The following NTN4 variants were observed in gnomAD, a reference collection of about 807,000 sequenced individuals.
NTN4 encodes the protein netrin-4.
NTN4 carries 32 observed loss-of-function variants against 73.6 expected under a neutral mutation model. The ratio of observed to expected loss-of-function variants is 0.44; its 90% confidence interval spans 0.33 to 0.58. NTN4 has a LOEUF of 0.58. Ranked by LOEUF, NTN4 falls within the 20% of genes least tolerant of loss-of-function variation. The probability of loss-of-function intolerance (pLI) is 0.04; values close to 1 mark genes in which losing one functional copy is unlikely to be tolerated. For missense variants in NTN4, 654 were observed against 798.3 expected (o/e 0.82, Z 2.18); for synonymous variants, 258 against 287.5 (o/e 0.90, Z 1.04).
intron 3 of NTN4, among the ~76,000 whole-genome samples, chr12:95,733,639 A>G (rs1451566758): frequency 6.6e-6 from 1 of 152,204 alleles, no homozygotes; most frequent in Non-Finnish European, 1.5e-5. Context: ...TTTGGCTCCA[A>G]TACCAGGGTC....
Position 95,665,831 on chromosome 12 carries a change from T to G in NTN4, c.1729A>C (p.Thr577Pro). ...TCACCAGGATTGAGGATTGGACAAG[T>G]GCATCCTCTGTCCGTCCATGATTCT... ...YPESWTDRGC[T>P]CPILNPGLEY... Residue 577 changes from threonine to proline, a missense_variant, in exon 9 of 10, where the codon ACT (threonine) becomes CCT (proline). Physicochemically the swap from Thr to Pro is conservative, Grantham distance 38. Coordinates refer to ENST00000343702, the MANE Select transcript of NTN4 (RefSeq NM_021229.4). The G allele has an allele frequency of 1.9e-6, 3 of 1,613,812 alleles. No homozygotes were observed. The highest frequency in any genetic ancestry group is 2.5e-6 in the Non-Finnish European group (3 of 1,179,802).
intron 5 of NTN4, among the ~76,000 whole-genome samples, chr12:95,690,405 G>A (rs1204121886): frequency 6.6e-6 from 1 of 152,234 alleles, no homozygotes; most frequent in East Asian, 1.9e-4. Flanking sequence ...TCTTTATACC[G>A]GAGGAAAGTA....
intron 2 of NTN4, among the ~76,000 whole-genome samples, chr12:95,759,742 G>A (rs541494984): frequency 1.3e-5 from 2 of 152,206 alleles, no homozygotes; most frequent in East Asian, 1.9e-4. Context: ...GATTACAGGT[G>A]TGAGCCACTG....
chr12:95,708,256 TTTTATTTATTTATTTATTTA>T (rs200402415), intron 5 of NTN4, among the ~76,000 whole-genome samples: 1,821 of 142,408 alleles, frequency 0.013, 36 homozygotes, highest in African/African-American at 0.043. Context: ...TTTATTGTTA[TTTTATTTATTTATTTATTTA>T]TTTATTTATT....
chr12:95,769,887 G>GCTGGGATTATAAGCTTGCGCCAC (rs2079045236), intron 2 of NTN4, among the ~76,000 whole-genome samples: 2 of 151,468 alleles, frequency 1.3e-5, no homozygotes, highest in African/African-American at 4.9e-5. Context: ...CTCCCAAGTA[G>GCTGGGATTATAAGCTTGCGCCAC]CTGGGATTAT....
chr12:95,757,966 T>G (rs2078959092), intron 2 of NTN4, among the ~76,000 whole-genome samples: 1 of 152,154 alleles, frequency 6.6e-6, no homozygotes, highest in African/African-American at 2.4e-5. Context: ...ATTGAAGAAT[T>G]TTGGCAGTTT....
intron 4 of NTN4, among the ~76,000 whole-genome samples, chr12:95,712,825 A>T (rs190364556): frequency 0.028 from 3,327 of 119,084 alleles, 66 homozygotes; most frequent in Non-Finnish European, 0.039. Context: ...TTTAGTAGAG[A>T]TGGGATTTCA....
At chr12:95,699,568 A>T (rs1313675053) in intron 5 of NTN4, among the ~76,000 whole-genome samples, 1 of 152,070 alleles carries the variant, frequency 6.6e-6, no homozygotes, top group East Asian at 1.9e-4. Flanking sequence ...CAAGAGAGTC[A>T]TCCACCCAAA....
intron 2 of NTN4, among the ~76,000 whole-genome samples, chr12:95,777,190 C>T (rs1283303415): frequency 6.6e-6 from 1 of 152,158 alleles, no homozygotes; most frequent in African/African-American, 2.4e-5. Flanking sequence ...ACAACCAGTA[C>T]CAGCCACTGC....
At chr12:95,664,665 T>C (rs1176378211) in intron 9 of NTN4, among the ~76,000 whole-genome samples, 1 of 151,884 alleles carries the variant, frequency 6.6e-6, no homozygotes, top group East Asian at 1.9e-4. Flanking sequence ...CAGGCTGGAG[T>C]ACAGTGGTGC....
At chr12:95,704,382 T>TG (rs1008120442) in intron 5 of NTN4, among the ~76,000 whole-genome samples, 25 of 152,230 alleles carry the variant, frequency 1.6e-4, no homozygotes, top group African/African-American at 5.3e-4. Flanking sequence ...TGGGAAATAA[T>TG]GGGGGGAAAA....
At chr12:95,683,760 C>T (rs373626581) in intron 5 of NTN4, 49 bp from the exon 6 acceptor site, 69 of 1,461,860 alleles carry the variant, frequency 4.7e-5, no homozygotes, top group Non-Finnish European at 6.3e-5. Flanking sequence ...GTAGATCACC[C>T]GTGTGAACAT....
chr12:95,778,971 A>G (rs190337472), intron 2 of NTN4, among the ~76,000 whole-genome samples: 21 of 152,308 alleles, frequency 1.4e-4, no homozygotes, highest in East Asian at 1.2e-3. Flanking sequence ...TGATCAAGTG[A>G]GCTTCATCCC....
At chr12:95,660,037 G>A (rs1348965706) in intron 9 of NTN4, among the ~76,000 whole-genome samples, 1 of 151,876 alleles carries the variant, frequency 6.6e-6, no homozygotes, top group Non-Finnish European at 1.5e-5. Context: ...GATTTTGGAT[G>A]GAATCTCGCT....
chr12:95,766,758 G>A (rs12370272), intron 2 of NTN4, among the ~76,000 whole-genome samples: 18,054 of 152,160 alleles, frequency 0.12, 1,338 homozygotes, highest in Middle Eastern at 0.19. Context: ...AAGACAGAAG[G>A]GCTCTTCTCT....
intron 2 of NTN4, among the ~76,000 whole-genome samples, chr12:95,784,727 A>C (rs531834935): frequency 6.6e-6 from 1 of 152,138 alleles, no homozygotes; most frequent in Non-Finnish European, 1.5e-5. Context: ...AGATTGTGCC[A>C]CTGCACTCCA....
intron 3 of NTN4, among the ~76,000 whole-genome samples, chr12:95,714,233 T>C (rs2078589228): frequency 6.6e-6 from 1 of 152,190 alleles, no homozygotes; most frequent in Admixed American, 6.5e-5. Flanking sequence ...TGGAATCATC[T>C]GAACTATCTC....
chr12:95,729,866 C>G (rs2078725473), intron 3 of NTN4, among the ~76,000 whole-genome samples: 1 of 152,142 alleles, frequency 6.6e-6, no homozygotes, highest in South Asian at 2.1e-4. Flanking sequence ...AGTCAGATAT[C>G]TATCAGTAAC....
intron 9 of NTN4, among the ~76,000 whole-genome samples, chr12:95,660,661 AT>A (rs765877343): frequency 1.3e-5 from 2 of 152,334 alleles, no homozygotes; most frequent in East Asian, 3.9e-4. Flanking sequence ...TTTAGGAACG[AT>A]TTTTAAAAAT....
Sources: allele counts gnomAD v4.1 joint callset (sites outside exome capture counted in the v4.1 genomes callset), GRCh38; gene constraint gnomAD v4.1.1; transcripts MANE v1.5; gene names NCBI Gene and HGNC (gene_info 2026-07-23, HGNC 2026-07-21).